The following DOCK3 variants were observed in gnomAD, a reference collection of about 807,000 sequenced individuals.
DOCK3 encodes the protein dedicator of cytokinesis protein 3.
A neutral mutation model predicts 265.6 loss-of-function variants in DOCK3; 60 were observed. The observed-to-expected ratio is 0.23, with a 90% confidence interval of 0.18 to 0.28. DOCK3 has a LOEUF of 0.28. Among genes scored for constraint, DOCK3 ranks in the 10% least tolerant of loss-of-function variants. The pLI is 1.00. For missense variants in DOCK3, 1,981 were observed against 2,594.3 expected, an observed-to-expected ratio of 0.76 and a Z score of 5.14; for synonymous variants, 881 against 938.0, an observed-to-expected ratio of 0.94 and a Z score of 1.11.
intron 5 of DOCK3, among the ~76,000 whole-genome samples, chr3:51,045,694 A>G (rs56890263): frequency 0.057 from 8,723 of 152,234 alleles, 890 homozygotes; most frequent in African/African-American, 0.2. Context: ...GTAGCTATTC[A>G]TGGTCTTAAT....
intron 40 of DOCK3, among the ~76,000 whole-genome samples, chr3:51,352,917 A>G (rs114900769): frequency 0.013 from 1,928 of 151,814 alleles, 39 homozygotes; most frequent in Non-Finnish European, 0.015. Context: ...AGGCTAGGCT[A>G]CTCTCCTACC....
intron 5 of DOCK3, among the ~76,000 whole-genome samples, chr3:51,036,938 T>A (rs887722662): frequency 3.9e-5 from 6 of 152,178 alleles, no homozygotes; most frequent in Non-Finnish European, 8.8e-5. Context: ...TGTGACTTGC[T>A]CCTCCTTGCC....
intron 4 of DOCK3, among the ~76,000 whole-genome samples, chr3:50,920,737 T>C (rs2050405452): frequency 6.6e-6 from 1 of 152,218 alleles, no homozygotes; most frequent in Non-Finnish European, 1.5e-5. Context: ...GTTTTTTGTG[T>C]GTCTATCTCC....
intron 5 of DOCK3, among the ~76,000 whole-genome samples, chr3:50,998,106 A>G (rs2078346482): frequency 6.6e-6 from 1 of 152,206 alleles, no homozygotes; most frequent in African/African-American, 2.4e-5. Flanking sequence ...ATGACATTGA[A>G]GATAATATTA....
chr3:50,821,461 G>A (rs191203246), intron 2 of DOCK3, among the ~76,000 whole-genome samples: 2 of 151,970 alleles, frequency 1.3e-5, no homozygotes, highest in East Asian at 1.9e-4. Context: ...CACCACACCC[G>A]GCTAATTTTT....
At chr3:51,078,396 A>G (rs934883255) in intron 7 of DOCK3, among the ~76,000 whole-genome samples, 5 of 152,170 alleles carry the variant, frequency 3.3e-5, no homozygotes, top group Non-Finnish European at 7.4e-5. Context: ...AAGAGAGAAT[A>G]AAGAAACAAA....
intron 5 of DOCK3, among the ~76,000 whole-genome samples, chr3:50,974,755 A>C (rs1316734789): frequency 7.4e-6 from 1 of 135,884 alleles, no homozygotes; most frequent in Non-Finnish European, 1.6e-5. Flanking sequence ...CACGATATTG[A>C]TTCTTCCTAC....
rs1384084412 is a variant in DOCK3 at position 51,359,770 on chromosome 3, C to T, written c.4885-741C>T. On this transcript the variant is annotated intron_variant, in intron 46 of 52. Transcript: ENST00000266037. This position sits in a 1 kb window ranked among gnomAD's most constrained non-coding sequence, Gnocchi z 4.8. ...TGCTTTGGAAGAAGCAGGTGGAAAA[C>T]CCGGTGCTTCTTCACACCAAGCTCA... Among the ~76,000 whole-genome samples, 3 of 152,306 alleles carry T rather than the reference C, an allele frequency of 2.0e-5. No homozygotes were observed. Among genetic ancestry groups the T allele is most frequent in the African/African-American group, 7.2e-5 (3 of 41,568 alleles).
chr3:50,905,956 A>G (rs1388992354), intron 4 of DOCK3, among the ~76,000 whole-genome samples: 1 of 152,054 alleles, frequency 6.6e-6, no homozygotes, highest in African/African-American at 2.4e-5. Context: ...TAATTTATTG[A>G]GAGTTTTTAG....
rs541168035 is a variant in DOCK3 at position 50,944,371 on chromosome 3, TCCTTGTTCC to T, written c.315+10296_315+10304del. ...TCATTAGAGATTGAACTCCTTGTTCTCCTTGTTCCCTCTTCTCAATACTGCACTTGACTG... is the reference window on the plus strand; with the variant it reads ...TCATTAGAGATTGAACTCCTTGTTCTCTCTTCTCAATACTGCACTTGACTG... On this transcript the variant is annotated intron_variant, in intron 5 of 52. Coordinates refer to ENST00000266037, the MANE Select transcript of DOCK3 (RefSeq NM_004947.5). Among the ~76,000 whole-genome samples, 13 of 152,360 alleles carry T rather than the reference TCCTTGTTCC, an allele frequency of 8.5e-5. No individual in the cohort carries two copies. In the South Asian group the frequency reaches 2.5e-3, roughly 29 times the overall value.
At chr3:50,792,866 T>A (rs2608998) in intron 2 of DOCK3, among the ~76,000 whole-genome samples, 3 of 152,240 alleles carry the variant, frequency 2.0e-5, no homozygotes, top group African/African-American at 7.2e-5. Flanking sequence ...TGATGTTCAT[T>A]GAGGATATTG....
intron 9 of DOCK3, among the ~76,000 whole-genome samples, chr3:51,091,828 G>A (rs1484520434): frequency 6.6e-6 from 1 of 152,190 alleles, no homozygotes. Flanking sequence ...ACTGGGACTG[G>A]TTGGACAGTG....
intron 7 of DOCK3, among the ~76,000 whole-genome samples, chr3:51,077,611 A>G (rs577358460): frequency 8.5e-5 from 13 of 152,342 alleles, no homozygotes; most frequent in African/African-American, 2.2e-4. Context: ...TGTATACAAG[A>G]AAGAGAAAGG....
intron 39 of DOCK3, 32 bp from the exon 40 acceptor site, chr3:51,350,256 C>G (rs1478852307): frequency 6.3e-7 from 1 of 1,577,678 alleles, no homozygotes; most frequent in Non-Finnish European, 8.6e-7. Flanking sequence ...CAACAGCAGT[C>G]AAGCCAACCT....
intron 1 of DOCK3, among the ~76,000 whole-genome samples, chr3:50,734,012 A>G (rs2038401674): frequency 6.6e-6 from 1 of 152,210 alleles, no homozygotes; most frequent in Non-Finnish European, 1.5e-5. Flanking sequence ...GTAACTAATA[A>G]CAATGTATAG....
intron 1 of DOCK3, among the ~76,000 whole-genome samples, chr3:50,690,830 A>G (rs1211541279): frequency 6.6e-6 from 1 of 151,508 alleles, no homozygotes; most frequent in Non-Finnish European, 1.5e-5. Flanking sequence ...CTTAGTAGAG[A>G]TGGGGTTTCA....
At chr3:51,011,633 C>CAA (rs2078955501) in intron 5 of DOCK3, among the ~76,000 whole-genome samples, 3 of 152,352 alleles carry the variant, frequency 2.0e-5, no homozygotes, top group South Asian at 2.1e-4. Context: ...TTGTCAAAGT[C>CAA]ATTCTCTATC....
intron 19 of DOCK3, among the ~76,000 whole-genome samples, chr3:51,233,098 C>T (rs775574327): frequency 1.3e-5 from 2 of 152,040 alleles, no homozygotes; most frequent in African/African-American, 2.4e-5. Flanking sequence ...CTTGCTTTGG[C>T]TATTTGGACT....
intron 9 of DOCK3, among the ~76,000 whole-genome samples, chr3:51,119,513 TG>T (rs1043250936): frequency 4.1e-4 from 63 of 152,138 alleles, no homozygotes; most frequent in African/African-American, 1.5e-3. Flanking sequence ...TGTTGACCTG[TG>T]TTGCTAGGTT....
Sources: gnomAD v4.1 joint callset for allele counts (sites outside exome capture counted in the v4.1 genomes callset) on GRCh38, gnomAD v4.1.1 for gene constraint, Gnocchi (gnomAD v3.1) non-coding constraint, MANE v1.5 for transcripts, NCBI Gene and HGNC (gene_info 2026-07-23, HGNC 2026-07-21) for gene names.